Variants in PCSK6 observed in about 807,000 individuals in gnomAD.
PCSK6 encodes the protein proprotein convertase subtilisin/kexin type 6.
Under a neutral mutation model 123.3 loss-of-function variants are expected in PCSK6, and 85 were observed. That is an observed-to-expected ratio of 0.69 (90% CI 0.58 to 0.83). The LOEUF (loss-of-function observed/expected upper bound fraction) is 0.83. PCSK6 is among the 40% of genes least tolerant of loss of function. The pLI is 0.00. For synonymous variants in PCSK6, 508 were observed against 516.0 expected, an observed-to-expected ratio of 0.98 and a Z score of 0.21; for missense variants, 1,191 against 1,282.3, an observed-to-expected ratio of 0.93 and a Z score of 1.09.
intron 6 of PCSK6, among the ~76,000 whole-genome samples, chr15:101,402,785 G>C (rs1215897577): frequency 1.3e-5 from 2 of 152,150 alleles, no homozygotes; most frequent in Admixed American, 6.5e-5. Flanking sequence ...GTGCTGGAGA[G>C]GATGTGGAGA....
intron 6 of PCSK6, among the ~76,000 whole-genome samples, chr15:101,419,422 GAATA>G (rs2056003867): frequency 6.6e-6 from 1 of 151,722 alleles, no homozygotes; most frequent in South Asian, 2.1e-4. Flanking sequence ...AAGAAGACCT[GAATA>G]AATAAAAACA....
chr15:101,476,591 T>C lies in PCSK6; in HGVS notation c.297+12783A>G, dbSNP rs540669463. Among the ~76,000 whole-genome samples, 77 of 152,018 alleles carry C rather than the reference T, an allele frequency of 5.1e-4. 1 individual carries two copies. Among genetic ancestry groups the C allele is most frequent in the African/African-American group, 1.8e-3 (76 of 41,494 alleles). Reference sequence around the variant, plus strand: ...AAAAAAAAAAACAACAAAAATTCTTTTTGTGTGTATATGCGCACGTATCTG... The same window carrying C: ...AAAAAAAAAAACAACAAAAATTCTTCTTGTGTGTATATGCGCACGTATCTG... On this transcript the variant is annotated intron_variant, in intron 1 of 21. Coordinates refer to ENST00000611716, the MANE Select transcript of PCSK6 (RefSeq NM_002570.5).
chr15:101,481,030 G>A (rs1220602056), intron 1 of PCSK6, among the ~76,000 whole-genome samples: 1 of 152,198 alleles, frequency 6.6e-6, no homozygotes, highest in African/African-American at 2.4e-5. Flanking sequence ...AGGCCAGTGA[G>A]AGCACACAGC....
Position 101,305,825 on chromosome 15 carries a change from C to A in PCSK6, c.2813-470G>T, listed in dbSNP as rs148373295. 2.1e-3 allele frequency: 334 copies of A among 156,626 alleles called. 1 individual carries two copies. The highest frequency in any genetic ancestry group is 3.3e-3 in the Non-Finnish European group (235 of 70,574). 9.7% of individuals were successfully genotyped at this position (156,626 alleles called of 1,614,324 possible). ...ACAGAGGTGGGCAGCAGGATGGCAG[C>A]CCTTGAAGCCCCTCTCCTGCAATGC... On this transcript the variant is annotated intron_variant, in intron 21 of 21. Coordinates refer to ENST00000611716, the MANE Select transcript of PCSK6 (RefSeq NM_002570.5). This position sits in a 1 kb window ranked among gnomAD's most constrained non-coding sequence, Gnocchi z 4.8.
At chr15:101,382,290 C>A (rs2041931399) in intron 10 of PCSK6, 81 bp from the exon 11 acceptor site, 2 of 1,123,988 alleles carry the variant, frequency 1.8e-6, no homozygotes, top group Non-Finnish European at 1.3e-6. Context: ...ATCTGCCGGG[C>A]CCCATGGAGG....
chr15:101,339,350 G>A lies in PCSK6; in HGVS notation c.1859-7319C>T, dbSNP rs1335735948. On this transcript the variant is annotated intron_variant, in intron 13 of 21. Coordinates refer to ENST00000611716, the MANE Select transcript of PCSK6 (RefSeq NM_002570.5). ...AGTAAGAGAGCCCTAGAAAAATCACGTAAATATGTTTCAGTTTAAAACACC... is the reference window on the plus strand; with the variant it reads ...AGTAAGAGAGCCCTAGAAAAATCACATAAATATGTTTCAGTTTAAAACACC... Among the ~76,000 whole-genome samples the A allele has an allele frequency of 7.2e-5, 11 of 152,242 alleles. No homozygotes were observed. In the East Asian group the frequency reaches 9.6e-4, roughly 13 times the overall value.
intron 6 of PCSK6, among the ~76,000 whole-genome samples, chr15:101,412,691 TTA>T (rs149902723): frequency 2.7e-4 from 34 of 124,690 alleles, no homozygotes; most frequent in East Asian, 6.3e-4. Flanking sequence ...AACTGGAAAA[TTA>T]TATATATATA....
At chr15:101,377,016 C>T (rs1396989958) in intron 11 of PCSK6, among the ~76,000 whole-genome samples, 1 of 152,240 alleles carries the variant, frequency 6.6e-6, no homozygotes, top group Non-Finnish European at 1.5e-5. Context: ...AGTTCTGAGA[C>T]AGCCCAAAGA....
chr15:101,360,525 A>G (rs4246332), intron 13 of PCSK6, among the ~76,000 whole-genome samples: 3,271 of 52,044 alleles, frequency 0.063, 157 homozygotes, highest in African/African-American at 0.11. Flanking sequence ...AACACACCAG[A>G]CACACTCCTG....
At chr15:101,459,424 G>A (rs1035643534) in intron 1 of PCSK6, among the ~76,000 whole-genome samples, 11 of 149,466 alleles carry the variant, frequency 7.4e-5, no homozygotes, top group African/African-American at 2.5e-4. Flanking sequence ...CTTGCTCCGC[G>A]TCTCCTCTCC....
intron 2 of PCSK6, among the ~76,000 whole-genome samples, chr15:101,439,945 G>T (rs6598472): frequency 1.3e-5 from 2 of 151,978 alleles, no homozygotes; most frequent in South Asian, 2.1e-4. Context: ...AGATCTGTAG[G>T]GAAGGAAAAG....
intron 5 of PCSK6, among the ~76,000 whole-genome samples, chr15:101,428,723 A>G (rs563471481): frequency 1.7e-4 from 26 of 152,216 alleles, no homozygotes; most frequent in Non-Finnish European, 2.6e-4. Context: ...GGAATCATTG[A>G]TTCAAATTTA....
intron 20 of PCSK6, among the ~76,000 whole-genome samples, chr15:101,312,730 G>A (rs184350289): frequency 1.3e-5 from 2 of 152,300 alleles, no homozygotes; most frequent in Admixed American, 6.5e-5. Context: ...TACTCGGCAG[G>A]TTGAGGCAGG....
intron 1 of PCSK6, among the ~76,000 whole-genome samples, chr15:101,446,680 G>A (rs113667807): frequency 1.3e-4 from 20 of 152,352 alleles, no homozygotes; most frequent in African/African-American, 4.8e-4. Context: ...CTGCCAGCCT[G>A]TGATGTACAG....
Position 101,432,110 on chromosome 15 carries a change from G to A in PCSK6, c.403-10C>T. ...GCTGGAGCCATTTCACCTACCAGAA[G>A]AAATGCAATTACTGTTTATATTAGA... On this transcript the variant is annotated splice_polypyrimidine_tract_variant and intron_variant, in intron 2 of 21. Transcript: ENST00000611716. 6.2e-7 allele frequency: 1 copy of A among 1,601,872 alleles called. No homozygotes were observed. The highest frequency in any genetic ancestry group is 8.5e-7 in the Non-Finnish European group (1 of 1,170,274).
intron 18 of PCSK6, among the ~76,000 whole-genome samples, chr15:101,319,920 C>A (rs1316064555): frequency 1.3e-5 from 2 of 152,218 alleles, no homozygotes; most frequent in South Asian, 2.1e-4. Context: ...ATTAATCGAA[C>A]CCAAGGAGGG....
At chr15:101,458,839 G>T (rs1196599299) in intron 1 of PCSK6, among the ~76,000 whole-genome samples, 1 of 152,034 alleles carries the variant, frequency 6.6e-6, no homozygotes, top group Non-Finnish European at 1.5e-5. Flanking sequence ...AGCAGTTTTG[G>T]GTATACCTCT....
At chr15:101,409,607 G>C (rs1045028678) in intron 6 of PCSK6, among the ~76,000 whole-genome samples, 2 of 146,092 alleles carry the variant, frequency 1.4e-5, no homozygotes, top group Non-Finnish European at 3.0e-5. Flanking sequence ...AAAATGCAGG[G>C]AAAGTGTACC....
intron 20 of PCSK6, among the ~76,000 whole-genome samples, chr15:101,309,650 G>A (rs571258830): frequency 3.1e-4 from 47 of 152,368 alleles, no homozygotes; most frequent in South Asian, 2.1e-4. Context: ...GGCAGAAGGC[G>A]TGCCCCTTCA....
Sources: allele counts gnomAD v4.1 joint callset (sites outside exome capture counted in the v4.1 genomes callset), GRCh38; gene constraint gnomAD v4.1.1; non-coding constraint Gnocchi (gnomAD v3.1); transcripts MANE v1.5; gene names NCBI Gene and HGNC (gene_info 2026-07-23, HGNC 2026-07-21).